CAMK4: variants seen among roughly 807,000 people sequenced by gnomAD.
The protein encoded by CAMK4 is calcium/calmodulin dependent protein kinase IV.
Under a neutral mutation model 44.9 loss-of-function variants are expected in CAMK4, and 22 were observed. The observed-to-expected ratio is 0.49, with a 90% CI of 0.35 to 0.70. The LOEUF (loss-of-function observed/expected upper bound fraction) is 0.70. CAMK4 is among the 30% of genes least tolerant of loss of function. The pLI, the probability that CAMK4 is intolerant of heterozygous loss-of-function variation, is 0.01. For missense variants in CAMK4, 498 were observed against 586.8 expected (o/e 0.85, Z 1.56); for synonymous variants, 218 against 215.4 (o/e 1.01, Z -0.11).
chr5:111,309,832 C>G (rs1032515530), intron 1 of CAMK4, among the ~76,000 whole-genome samples: 3 of 152,276 alleles, frequency 2.0e-5, no homozygotes, highest in Non-Finnish European at 4.4e-5. Context: ...TTCATTCCAT[C>G]TTTAGGACCA....
chr5:111,338,668 C>CAGCT, intron 1 of CAMK4, among the ~76,000 whole-genome samples: 1 of 151,082 alleles, frequency 6.6e-6, no homozygotes, highest in Admixed American at 6.6e-5. Flanking sequence ...GGTCCAGTTT[C>CAGCT]TTCTCCATAT....
At chr5:111,375,393 C>A (rs762296227) in intron 3 of CAMK4, among the ~76,000 whole-genome samples, 5 of 152,146 alleles carry the variant, frequency 3.3e-5, no homozygotes, top group Non-Finnish European at 5.9e-5. Flanking sequence ...AGAAGCTCTG[C>A]TTCAGGCTTT....
rs528590257 is a variant in CAMK4 at position 111,475,075 on chromosome 5, A to G, written c.701+1689A>G. Among the ~76,000 whole-genome samples the G allele has an allele frequency of 6.6e-4, 100 of 152,324 alleles. No homozygotes were observed. The Middle Eastern group carries it at 0.014, about 21-fold the overall frequency. On this transcript the variant is annotated intron_variant, in intron 8 of 10. Transcript: ENST00000282356. ...CTACTCGGGAAGCTGAGGCAGGAGAATGGCGTGAACCCAGGAGGCGGAGAT... is the reference window on the plus strand; with the variant it reads ...CTACTCGGGAAGCTGAGGCAGGAGAGTGGCGTGAACCCAGGAGGCGGAGAT...
At chr5:111,449,015 A>G (rs1379801537) in intron 6 of CAMK4, 114 bp from the exon 7 acceptor site, 4 of 531,894 alleles carry the variant, frequency 7.5e-6, no homozygotes, top group African/African-American at 2.0e-5. Context: ...CCCCATCATC[A>G]AATACAAAAG....
chr5:111,443,253 T>C (rs1465076864), intron 5 of CAMK4, among the ~76,000 whole-genome samples: 1 of 39,164 alleles, frequency 2.6e-5, no homozygotes, highest in Non-Finnish European at 4.9e-5. Flanking sequence ...CATATATATA[T>C]ATATATATAT....
intron 5 of CAMK4, among the ~76,000 whole-genome samples, chr5:111,418,695 T>C (rs1277117868): frequency 6.6e-6 from 1 of 152,048 alleles, no homozygotes; most frequent in Non-Finnish European, 1.5e-5. Flanking sequence ...ATGCGGTGTT[T>C]GGTTTTTTGT....
rs76492570 is a variant in CAMK4, at chr5:111,309,050, G to A, written c.162-34974G>A. On this transcript the variant is annotated intron_variant, in intron 1 of 10. Coordinates refer to ENST00000282356, the MANE Select transcript of CAMK4 (RefSeq NM_001744.6). Reference sequence around the variant, plus strand: ...TCGAGATGTGAGTGAATAAGACATGGTTCTTGGACCTGAGTATCTTAGAGT... The same window carrying A: ...TCGAGATGTGAGTGAATAAGACATGATTCTTGGACCTGAGTATCTTAGAGT... Among the ~76,000 whole-genome samples the A allele has an allele frequency of 7.1e-3, 1,084 of 152,250 alleles. 18 individuals carry two copies. The highest frequency in any genetic ancestry group is 0.025 in the African/African-American group (1,039 of 41,550).
intron 5 of CAMK4, among the ~76,000 whole-genome samples, chr5:111,427,537 C>T (rs895357491): frequency 2.0e-5 from 3 of 152,212 alleles, no homozygotes; most frequent in African/African-American, 7.2e-5. Flanking sequence ...GAAGGGTGAG[C>T]ACCAGGACAG....
At chr5:111,385,775 C>A (rs561027474) in intron 4 of CAMK4, among the ~76,000 whole-genome samples, 3 of 152,290 alleles carry the variant, frequency 2.0e-5, no homozygotes, top group African/African-American at 7.2e-5. Flanking sequence ...TGGGGTTTCA[C>A]TGTGTTAGCC....
intron 1 of CAMK4, among the ~76,000 whole-genome samples, chr5:111,330,091 CA>C (rs370875592): frequency 0.39 from 57,011 of 145,040 alleles, 11,998 homozygotes; most frequent in South Asian, 0.54. Flanking sequence ...TACTCCCCAC[CA>C]CCCCTACAAA....
chr5:111,437,412 A>G (rs986054993), intron 5 of CAMK4, among the ~76,000 whole-genome samples: 3 of 152,318 alleles, frequency 2.0e-5, no homozygotes, highest in African/African-American at 7.2e-5. Context: ...AAAAGCGTTT[A>G]CTGAATGCAT....
At chr5:111,381,028 A>T (rs1367165179) in intron 4 of CAMK4, among the ~76,000 whole-genome samples, 1 of 152,122 alleles carries the variant, frequency 6.6e-6, no homozygotes. Flanking sequence ...CTGTACCCTT[A>T]GCTCTGTGTA....
intron 2 of CAMK4, among the ~76,000 whole-genome samples, chr5:111,360,606 A>G (rs1021773056): frequency 6.6e-6 from 1 of 152,108 alleles, no homozygotes. Flanking sequence ...CTACCCAATT[A>G]ACTCTTACAA....
intron 5 of CAMK4, among the ~76,000 whole-genome samples, chr5:111,404,025 T>C (rs1316006715): frequency 6.6e-6 from 1 of 152,082 alleles, no homozygotes; most frequent in South Asian, 2.1e-4. Context: ...CTTTGAAAGG[T>C]TGGGAAGTGC....
intron 2 of CAMK4, among the ~76,000 whole-genome samples, chr5:111,355,545 A>G (rs1354067459): frequency 6.7e-6 from 1 of 149,150 alleles, no homozygotes; most frequent in African/African-American, 2.5e-5. Flanking sequence ...GTACATGTGC[A>G]CAATGTGCAG....
At chr5:111,406,194 T>C (rs1029941177) in intron 5 of CAMK4, among the ~76,000 whole-genome samples, 1 of 136,744 alleles carries the variant, frequency 7.3e-6, no homozygotes, top group African/African-American at 2.8e-5. Flanking sequence ...CTAATTTATT[T>C]TCTCTCTCTC....
intron 1 of CAMK4, among the ~76,000 whole-genome samples, chr5:111,244,585 G>T (rs950309957): frequency 6.6e-6 from 1 of 152,206 alleles, no homozygotes; most frequent in African/African-American, 2.4e-5. Context: ...AAAATAGTCT[G>T]GGCGCAGTGG....
At chr5:111,288,286 A>T (rs1435296601) in intron 1 of CAMK4, among the ~76,000 whole-genome samples, 1 of 152,168 alleles carries the variant, frequency 6.6e-6, no homozygotes, top group Non-Finnish European at 1.5e-5. Flanking sequence ...CTTGTTTTGT[A>T]ACCTAGCACA....
intron 1 of CAMK4, among the ~76,000 whole-genome samples, chr5:111,281,416 C>T (rs1004488175): frequency 2.6e-5 from 4 of 152,170 alleles, no homozygotes; most frequent in African/African-American, 9.7e-5. Context: ...ATATTCTAGC[C>T]TAGATATTGC....
Sources: gnomAD v4.1 joint callset for allele counts (sites outside exome capture counted in the v4.1 genomes callset) on GRCh38, gnomAD v4.1.1 for gene constraint, MANE v1.5 for transcripts, NCBI Gene and HGNC (gene_info 2026-07-23, HGNC 2026-07-21) for gene names.